Variants in OTUD7B observed in about 807,000 individuals in gnomAD.
The protein encoded by OTUD7B is OTU deubiquitinase 7B, also known as OTU domain-containing protein 7B.
Under a neutral mutation model 82.2 loss-of-function variants are expected in OTUD7B, and 34 were observed. The ratio of observed to expected loss-of-function variants is 0.41; its 90% confidence interval spans 0.31 to 0.55. The LOEUF (loss-of-function observed/expected upper bound fraction) is 0.55, where lower values mean the gene tolerates loss of function less well. OTUD7B is among the 20% of genes least tolerant of loss of function. The pLI, the probability that OTUD7B is intolerant of heterozygous loss-of-function variation, is 0.20. For missense variants in OTUD7B, 944 were observed against 1,062.1 expected, an observed-to-expected ratio of 0.89 and a Z score of 1.55; for synonymous variants, 398 against 402.7, an observed-to-expected ratio of 0.99 and a Z score of 0.14.
chr1:149,994,458 G>C (rs112689254), intron 1 of OTUD7B, among the ~76,000 whole-genome samples: 7,168 of 151,876 alleles, frequency 0.047, 215 homozygotes, highest in Non-Finnish European at 0.072. Context: ...GCATGCGCCT[G>C]TAAACCCAGC....
At chr1:150,024,785 C>A in the OTUD7B span, among the ~76,000 whole-genome samples, 1 of 152,130 alleles carries the variant, frequency 6.6e-6, no homozygotes, top group African/African-American at 2.4e-5. Flanking sequence ...TGGTGGCTCA[C>A]GCCTGTAATC....
In OTUD7B at chr1:149,941,595, T is replaced by A. The variant is rs1377688045; in HGVS notation, c.*2262A>T. The A allele has an allele frequency of 6.6e-6, 1 of 152,202 alleles. No homozygotes were observed. The highest frequency in any genetic ancestry group is 1.5e-5 in the Non-Finnish European group (1 of 68,034). The allele number at this position is 152,202 out of a possible 1,614,324, so 9.4% of individuals were successfully genotyped here. On this transcript the variant is annotated 3_prime_UTR_variant, in exon 12 of 12. Transcript: ENST00000581312. ...AAATACTATTTTAATGCAACATTTTTAAAAAATCACAATTAATGTAAAAAG... is the reference window on the plus strand; with the variant it reads ...AAATACTATTTTAATGCAACATTTTAAAAAAATCACAATTAATGTAAAAAG...
the OTUD7B span, among the ~76,000 whole-genome samples, chr1:150,045,475 C>T: frequency 6.6e-6 from 1 of 152,032 alleles, no homozygotes; most frequent in Admixed American, 6.6e-5. Flanking sequence ...ATCTACACCC[C>T]CTTTAATTCT....
rs1446790486 is a variant in OTUD7B, at chr1:149,937,900, TC to T, written c.*5956del. On this transcript the variant is annotated 3_prime_UTR_variant, in exon 12 of 12. Transcript: ENST00000581312. ...GGGCCCCAGTTTTCCAAAGTGACAC[TC>T]AATTTTCCCCTCCCCCCAGTACACC... is the stretch of plus-strand genomic sequence containing the variant. The T allele has an allele frequency of 6.6e-6, 1 of 152,146 alleles. No homozygotes were observed. Among genetic ancestry groups the T allele is most frequent in the East Asian group, 1.9e-4 (1 of 5,192 alleles). The allele number at this position is 152,146 out of a possible 1,614,324, so 9.4% of individuals were successfully genotyped here. A position where few individuals can be genotyped will look rare whatever the true frequency, so the allele number is the denominator to read the frequency against.
At chr1:150,011,109 A>G (rs1249412894), upstream of OTUD7B, among the ~76,000 whole-genome samples, 1 of 152,194 alleles carries the variant, frequency 6.6e-6, no homozygotes, top group Non-Finnish European at 1.5e-5. Flanking sequence ...ACTCTACACA[A>G]TCATTCTGGA....
At chr1:150,054,159 AG>A in the OTUD7B span, 3,826 of 369,292 alleles carry the variant, frequency 0.01, 113 homozygotes, top group African/African-American at 0.074. Context: ...GGTGGTGGCA[AG>A]AACGGTGGTA....
At chr1:150,018,947 C>T in the OTUD7B span, among the ~76,000 whole-genome samples, 1 of 152,098 alleles carries the variant, frequency 6.6e-6, no homozygotes, top group Non-Finnish European at 1.5e-5. Context: ...CTCAGCAAGA[C>T]AGTATGGTGG....
chr1:149,953,920 T>A (rs144190905), intron 7 of OTUD7B, among the ~76,000 whole-genome samples: 2 of 152,366 alleles, frequency 1.3e-5, no homozygotes, highest in Admixed American at 6.5e-5. Context: ...CTGCTGAAGT[T>A]GCTTATCAGC....
At chr1:150,018,281 T>G in the OTUD7B span, among the ~76,000 whole-genome samples, 2,033 of 152,208 alleles carry the variant, frequency 0.013, 55 homozygotes, top group African/African-American at 0.046. Context: ...AATAAAACAC[T>G]GCCTATAGCA....
At chr1:149,979,248 T>C (rs868972685) in intron 1 of OTUD7B, among the ~76,000 whole-genome samples, 1 of 152,146 alleles carries the variant, frequency 6.6e-6, no homozygotes, top group South Asian at 2.1e-4. Context: ...ATTTGAAGCT[T>C]AGCAGATCAG....
intron 2 of OTUD7B, among the ~76,000 whole-genome samples, chr1:149,971,678 C>T (rs1159912524): frequency 6.6e-6 from 1 of 152,116 alleles, no homozygotes; most frequent in African/African-American, 2.4e-5. Flanking sequence ...TCTAGTGTGT[C>T]CTAAACCACT....
the OTUD7B span, among the ~76,000 whole-genome samples, chr1:150,031,811 G>T: frequency 6.6e-6 from 1 of 152,186 alleles, no homozygotes; most frequent in Non-Finnish European, 1.5e-5. Flanking sequence ...AGAATTAAAT[G>T]AGCTAACATA....
chr1:150,051,030 A>G, the OTUD7B span, among the ~76,000 whole-genome samples: 3 of 152,050 alleles, frequency 2.0e-5, no homozygotes, highest in East Asian at 5.8e-4. Flanking sequence ...GGAATTCAAG[A>G]CCAGTCTGGC....
chr1:150,067,623 G>C, the OTUD7B span: 2 of 505,968 alleles, frequency 4.0e-6, no homozygotes, highest in Admixed American at 3.6e-5. Flanking sequence ...GGAGAATAAC[G>C]CCCGCGCGTG....
intron 1 of OTUD7B, among the ~76,000 whole-genome samples, chr1:150,004,901 C>A (rs1652563247): frequency 6.6e-6 from 1 of 152,116 alleles, no homozygotes; most frequent in South Asian, 2.1e-4. Flanking sequence ...CTTGCTCTGT[C>A]ACCCAGGCTG....
chr1:149,988,358 A>T (rs1651304597), intron 1 of OTUD7B, among the ~76,000 whole-genome samples: 1 of 152,144 alleles, frequency 6.6e-6, no homozygotes, highest in Non-Finnish European at 1.5e-5. Flanking sequence ...AAAAAAATTT[A>T]ACTATTTTTT....
At chr1:149,981,094 A>AGAGGAGGAGGAAGAG (rs1286950946) in intron 1 of OTUD7B, among the ~76,000 whole-genome samples, 229 of 145,470 alleles carry the variant, frequency 1.6e-3, no homozygotes, top group African/African-American at 5.5e-3. Flanking sequence ...AGGAGGAGGA[A>AGAGGAGGAGGAAGAG]GAGGAGGAGG....
At chr1:150,040,573 T>C in the OTUD7B span, among the ~76,000 whole-genome samples, 4 of 152,226 alleles carry the variant, frequency 2.6e-5, no homozygotes, top group Non-Finnish European at 4.4e-5. Context: ...TATTAAGATT[T>C]ACCTTACAGA....
intron 1 of OTUD7B, among the ~76,000 whole-genome samples, chr1:150,006,880 G>A (rs782531031): frequency 1.3e-5 from 2 of 152,222 alleles, no homozygotes; most frequent in African/African-American, 4.8e-5. Flanking sequence ...CAGAAAATAA[G>A]AGTCACAATG....
Sources: allele counts gnomAD v4.1 joint callset (sites outside exome capture counted in the v4.1 genomes callset), GRCh38; gene constraint gnomAD v4.1.1; transcripts MANE v1.5; gene names NCBI Gene and HGNC (gene_info 2026-07-23, HGNC 2026-07-21).